HYCC1: variants seen among roughly 807,000 people sequenced by gnomAD.
The protein encoded by HYCC1 is hyccin PI4KA lipid kinase complex subunit 1.
At chr7:22,972,115 T>C in the HYCC1 span, among the ~76,000 whole-genome samples, 35 of 152,294 alleles carry the variant, frequency 2.3e-4, 1 homozygote, top group African/African-American at 6.0e-4. Context: ...TGTGCATCCA[T>C]AGTGAATGTG....
the HYCC1 span, chr7:22,937,405 A>G: frequency 1.3e-5 from 2 of 152,326 alleles, no homozygotes; most frequent in East Asian, 3.9e-4. Context: ...ACAAATCTAC[A>G]GGAGTGAATA....
Sources: allele counts gnomAD v4.1 joint callset (sites outside exome capture counted in the v4.1 genomes callset), GRCh38; gene constraint gnomAD v4.1.1; transcripts MANE v1.5; gene names NCBI Gene and HGNC (gene_info 2026-07-23, HGNC 2026-07-21).